The following PLD5 variants were observed in gnomAD, a reference collection of about 807,000 sequenced individuals.
PLD5 encodes the protein phospholipase D family member 5, also known as inactive phospholipase D5.
In PLD5, 36 loss-of-function variants were observed where a neutral mutation model predicts 61.1. The observed-to-expected ratio is 0.59, with a 90% CI of 0.45 to 0.78. The LOEUF is 0.78. Ranked by LOEUF, PLD5 falls within the 30% of genes least tolerant of loss-of-function variation. The pLI, the probability that PLD5 is intolerant of heterozygous loss-of-function variation, is 0.00. For missense variants in PLD5, 515 were observed against 644.4 expected, an observed-to-expected ratio of 0.80 and a Z score of 2.17; for synonymous variants, 243 against 242.8, an observed-to-expected ratio of 1.00 and a Z score of -0.01.
intron 1 of PLD5, among the ~76,000 whole-genome samples, chr1:242,384,813 C>T (rs936871567): frequency 6.6e-6 from 1 of 152,172 alleles, no homozygotes; most frequent in Non-Finnish European, 1.5e-5. Context: ...TTTGATGAAG[C>T]AGTACTCTCT....
chr1:242,095,967 T>C (rs1485560485), intron 9 of PLD5, among the ~76,000 whole-genome samples: 1 of 152,116 alleles, frequency 6.6e-6, no homozygotes, highest in Non-Finnish European at 1.5e-5. Context: ...TTTTTTTTCT[T>C]TTTTTTGAGA....
intron 1 of PLD5, among the ~76,000 whole-genome samples, chr1:242,352,498 G>A (rs1660533634): frequency 6.6e-6 from 1 of 152,138 alleles, no homozygotes; most frequent in East Asian, 1.9e-4. Context: ...TATGAAGAGT[G>A]GTGCAATAAA....
intron 5 of PLD5, among the ~76,000 whole-genome samples, chr1:242,183,519 C>G (rs1209242232): frequency 2.0e-5 from 3 of 152,200 alleles, no homozygotes; most frequent in African/African-American, 4.8e-5. Flanking sequence ...ACTAGCTGAA[C>G]TCGAAGGCAG....
At chr1:242,356,893 T>C (rs918232424) in intron 1 of PLD5, among the ~76,000 whole-genome samples, 4 of 152,078 alleles carry the variant, frequency 2.6e-5, no homozygotes, top group Non-Finnish European at 5.9e-5. Flanking sequence ...GACAATTTAT[T>C]TTAGCTATAG....
At chr1:242,419,963 G>A (rs77337449) in intron 1 of PLD5, among the ~76,000 whole-genome samples, 19,918 of 152,032 alleles carry the variant, frequency 0.13, 1,357 homozygotes, top group African/African-American at 0.15. Context: ...AGTAAAAACA[G>A]GTATTTGATT....
intron 4 of PLD5, among the ~76,000 whole-genome samples, chr1:242,230,424 C>T (rs1671226131): frequency 6.6e-6 from 1 of 152,026 alleles, no homozygotes; most frequent in East Asian, 1.9e-4. Context: ...TTCCTGAAAG[C>T]AAGGTTTGCA....
At chr1:242,270,606 C>A (rs970943577) in intron 3 of PLD5, among the ~76,000 whole-genome samples, 34 of 152,220 alleles carry the variant, frequency 2.2e-4, no homozygotes, top group Non-Finnish European at 4.1e-4. Flanking sequence ...CTCTCCCAAG[C>A]CAAGCAGTGC....
intron 6 of PLD5, among the ~76,000 whole-genome samples, chr1:242,116,226 G>A (rs1004589810): frequency 6.6e-6 from 1 of 152,088 alleles, no homozygotes; most frequent in African/African-American, 2.4e-5. Context: ...TGCACAGTAG[G>A]AGTCCCCACC....
At chr1:242,197,703 C>T (rs1024644753) in intron 5 of PLD5, among the ~76,000 whole-genome samples, 1 of 151,226 alleles carries the variant, frequency 6.6e-6, no homozygotes, top group African/African-American at 2.4e-5. Context: ...GATGCGATCT[C>T]AGCTCACTGC....
intron 5 of PLD5, among the ~76,000 whole-genome samples, chr1:242,185,471 A>G (rs1325232737): frequency 6.6e-6 from 1 of 152,224 alleles, no homozygotes; most frequent in Non-Finnish European, 1.5e-5. Flanking sequence ...ATTTTGACTT[A>G]GGGAAGAGGG....
At chr1:242,294,323 C>T (rs561303980) in intron 2 of PLD5, among the ~76,000 whole-genome samples, 5 of 152,162 alleles carry the variant, frequency 3.3e-5, no homozygotes, top group Non-Finnish European at 7.4e-5. Context: ...TCGAACTGTT[C>T]TTATTAATAG....
chr1:242,195,625 G>T (rs992773433), intron 5 of PLD5, among the ~76,000 whole-genome samples: 1 of 152,176 alleles, frequency 6.6e-6, no homozygotes, highest in South Asian at 2.1e-4. Flanking sequence ...TTCAGAGTGA[G>T]AGCAGGATCA....
At chr1:242,176,251 G>A (rs2148890122) in intron 5 of PLD5, among the ~76,000 whole-genome samples, 1 of 152,212 alleles carries the variant, frequency 6.6e-6, no homozygotes, top group Middle Eastern at 3.4e-3. Context: ...TAGAACAATG[G>A]AACAGAACAG....
chr1:242,106,428 C>T (rs911811977), intron 8 of PLD5, among the ~76,000 whole-genome samples: 8 of 152,204 alleles, frequency 5.3e-5, no homozygotes, highest in Middle Eastern at 3.4e-3. Flanking sequence ...AAATGGATCC[C>T]GTGTACCAGG....
intron 2 of PLD5, among the ~76,000 whole-genome samples, chr1:242,340,513 C>A (rs1183309404): frequency 4.9e-4 from 74 of 150,070 alleles, no homozygotes; most frequent in Admixed American, 1.3e-3. Flanking sequence ...AAAAAAAAAA[C>A]AAAACTGCAA....
intron 1 of PLD5, chr1:242,376,972 G>C (rs1661998595): frequency 1.2e-6 from 2 of 1,611,522 alleles, no homozygotes; most frequent in Non-Finnish European, 1.7e-6. Flanking sequence ...GCCATGCCGT[G>C]TATCCGCATG....
chr1:242,378,242 G>C (rs1163170438), intron 1 of PLD5, among the ~76,000 whole-genome samples: 1 of 152,186 alleles, frequency 6.6e-6, no homozygotes, highest in Non-Finnish European at 1.5e-5. Flanking sequence ...ATTACGCTAA[G>C]TGAAATAATC....
intron 1 of PLD5, among the ~76,000 whole-genome samples, chr1:242,457,721 A>T (rs1666986321): frequency 6.6e-6 from 1 of 152,182 alleles, no homozygotes; most frequent in Non-Finnish European, 1.5e-5. Flanking sequence ...CCAGTCAGAC[A>T]TCCTGAACAA....
chr1:242,487,324 A>C (rs1667997736), intron 1 of PLD5, among the ~76,000 whole-genome samples: 1 of 152,202 alleles, frequency 6.6e-6, no homozygotes, highest in Non-Finnish European at 1.5e-5. Context: ...CATGCAAATA[A>C]AACTACCAAA....
Sources: allele counts gnomAD v4.1 joint callset (sites outside exome capture counted in the v4.1 genomes callset), GRCh38; gene constraint gnomAD v4.1.1; transcripts MANE v1.5; gene names NCBI Gene and HGNC (gene_info 2026-07-23, HGNC 2026-07-21).